Variants in CADM1 observed in about 807,000 individuals in gnomAD.
CADM1 encodes TSLC-1.
CADM1 carries 15 observed loss-of-function variants against 53.1 expected under a neutral mutation model. That is an observed-to-expected ratio of 0.28 (90% confidence interval 0.19 to 0.44). The LOEUF (loss-of-function observed/expected upper bound fraction) is 0.44, where lower values mean the gene tolerates loss of function less well. Ranked by LOEUF, CADM1 falls within the 20% of genes least tolerant of loss-of-function variation. The probability of loss-of-function intolerance (pLI) is 1.00; values close to 1 mark genes in which losing one functional copy is unlikely to be tolerated. For missense variants in CADM1, 434 were observed against 611.3 expected (o/e 0.71, Z 3.06); for synonymous variants, 281 against 243.0 (o/e 1.16, Z -1.45).
At chr11:115,272,905 A>C (rs1943340381) in intron 1 of CADM1, among the ~76,000 whole-genome samples, 1 of 152,146 alleles carries the variant, frequency 6.6e-6, no homozygotes, top group African/African-American at 2.4e-5. Flanking sequence ...ATAATAAAAA[A>C]ATTTAAAAAA....
chr11:115,384,618 T>C (rs1425508495), intron 1 of CADM1, among the ~76,000 whole-genome samples: 1 of 152,186 alleles, frequency 6.6e-6, no homozygotes, highest in Non-Finnish European at 1.5e-5. Context: ...AGTACCTCTC[T>C]AGAGGATTAG....
intron 8 of CADM1, among the ~76,000 whole-genome samples, chr11:115,199,175 C>G (rs913340397): frequency 7.2e-5 from 11 of 152,126 alleles, no homozygotes; most frequent in African/African-American, 2.7e-4. Flanking sequence ...AGAGCAGAAG[C>G]CTTTAATGAA....
intron 1 of CADM1, among the ~76,000 whole-genome samples, chr11:115,307,485 G>A (rs549523070): frequency 7.4e-6 from 1 of 135,272 alleles, no homozygotes. Flanking sequence ...ATTTTTAAAT[G>A]AATTTTCAAC....
At chr11:115,310,387 CTAAGTGT>C (rs1565357634) in intron 1 of CADM1, among the ~76,000 whole-genome samples, 1 of 152,004 alleles carries the variant, frequency 6.6e-6, no homozygotes, top group Non-Finnish European at 1.5e-5. Context: ...TTGCATCCTG[CTAAGTGT>C]TATCAAGGAA....
chr11:115,406,487 T>G (rs1947315365), intron 1 of CADM1, among the ~76,000 whole-genome samples: 1 of 148,880 alleles, frequency 6.7e-6, no homozygotes, highest in South Asian at 2.1e-4. Flanking sequence ...AAAAGGCATC[T>G]GCATTACAAA....
chr11:115,228,433 A>AT (rs1591624498), intron 5 of CADM1, among the ~76,000 whole-genome samples: 1 of 152,300 alleles, frequency 6.6e-6, no homozygotes, highest in East Asian at 1.9e-4. Flanking sequence ...GATCACCTTG[A>AT]TTTTTCAGAA....
rs1184033228 is a variant in CADM1 at position 115,504,409 on chromosome 11, T to G, written c.-15A>C. The G allele has an allele frequency of 3.2e-6, 5 of 1,543,378 alleles. No individual in the cohort carries two copies. The highest frequency in any genetic ancestry group is 4.4e-6 in the Non-Finnish European group (5 of 1,145,688). On this transcript the variant is annotated 5_prime_UTR_variant, in exon 1 of 12. Transcript: ENST00000331581. The stretch of plus-strand genomic sequence containing the variant: ...ACACTCGCCATGTCGGGCACCTGCC[T>G]CAGACTGGCGGCGTTGGCTGCCTCC...
rs1462111727 is a variant in CADM1 at position 115,318,636 on chromosome 11, G to A, written c.125-78216C>T. On this transcript the variant is annotated intron_variant, in intron 1 of 11. Coordinates refer to ENST00000331581, the MANE Select transcript of CADM1 (RefSeq NM_001301043.2). ...ATGTGATCTTGTAGATAGTGAAGAC[G>A]GGTAGAAGGCAAGGAAAGATGACGG... is the stretch of plus-strand genomic sequence containing the variant. 9.9e-5 allele frequency among the ~76,000 whole-genome samples: 15 copies of A among 152,282 alleles called. 1 individual carries two copies. The South Asian group carries it at 2.3e-3, about 23-fold the overall frequency.
chr11:115,475,447 T>C (rs539553985), intron 1 of CADM1, among the ~76,000 whole-genome samples: 2 of 152,172 alleles, frequency 1.3e-5, no homozygotes, highest in Non-Finnish European at 2.9e-5. Flanking sequence ...TGAAAACTTA[T>C]GGCTCACAAA....
chr11:115,458,568 T>TGC (rs1948729389), intron 1 of CADM1, among the ~76,000 whole-genome samples: 1 of 151,192 alleles, frequency 6.6e-6, no homozygotes, highest in South Asian at 2.1e-4. Context: ...GCAAGCATTT[T>TGC]ATCTTGCAAG....
At chr11:115,383,171 A>G (rs563269468) in intron 1 of CADM1, among the ~76,000 whole-genome samples, 2 of 152,358 alleles carry the variant, frequency 1.3e-5, no homozygotes, top group Non-Finnish European at 2.9e-5. Flanking sequence ...GTCAAAATTT[A>G]TCTGTACATA....
chr11:115,257,572 CT>C (rs1022160669), intron 1 of CADM1, among the ~76,000 whole-genome samples: 1 of 152,144 alleles, frequency 6.6e-6, no homozygotes, highest in Admixed American at 6.5e-5. Context: ...TCTATGACAT[CT>C]TTTAAATGTC....
At chr11:115,487,010 A>T (rs1416938979) in intron 1 of CADM1, among the ~76,000 whole-genome samples, 1 of 152,138 alleles carries the variant, frequency 6.6e-6, no homozygotes, top group African/African-American at 2.4e-5. Context: ...ATACGAAGAG[A>T]GGAAAGGTCA....
chr11:115,454,628 A>G (rs1948645704), intron 1 of CADM1, among the ~76,000 whole-genome samples: 1 of 152,198 alleles, frequency 6.6e-6, no homozygotes. Flanking sequence ...TTTGAAAGCT[A>G]CTGGCAAAAT....
chr11:115,266,816 C>T (rs1299940768), intron 1 of CADM1, among the ~76,000 whole-genome samples: 1 of 152,152 alleles, frequency 6.6e-6, no homozygotes. Context: ...CCCTTAACTA[C>T]CTGCATATAT....
At chr11:115,487,169 A>C (rs1949392532) in intron 1 of CADM1, among the ~76,000 whole-genome samples, 1 of 152,222 alleles carries the variant, frequency 6.6e-6, no homozygotes, top group Admixed American at 6.5e-5. Context: ...TTTTTTAAAA[A>C]AGTAAAACAC....
In CADM1 at chr11:115,345,453, T is replaced by C. The variant is rs150660850; in HGVS notation, c.125-105033A>G. Among the ~76,000 whole-genome samples the C allele has an allele frequency of 6.9e-4, 105 of 152,268 alleles. No homozygotes were observed. In the East Asian group the frequency reaches 0.014, roughly 21 times the overall value. ...TGGATGGGGTTGAAAGCTGAAGTCCTGTAAGTTTATCTACACAAGCAGCAC... is the reference window on the plus strand; with the variant it reads ...TGGATGGGGTTGAAAGCTGAAGTCCCGTAAGTTTATCTACACAAGCAGCAC... On this transcript the variant is annotated intron_variant, in intron 1 of 11. Coordinates refer to ENST00000331581, the MANE Select transcript of CADM1 (RefSeq NM_001301043.2).
chr11:115,389,716 G>A (rs1317031326), intron 1 of CADM1, among the ~76,000 whole-genome samples: 1 of 151,936 alleles, frequency 6.6e-6, no homozygotes, highest in African/African-American at 2.4e-5. Context: ...AGAAATCCAA[G>A]AAACTATCAA....
intron 1 of CADM1, among the ~76,000 whole-genome samples, chr11:115,350,533 C>T (rs1239380964): frequency 2.1e-5 from 3 of 145,422 alleles, no homozygotes; most frequent in African/African-American, 7.6e-5. Flanking sequence ...TAATAAAAAC[C>T]ACAACATATT....
Sources: allele counts gnomAD v4.1 joint callset (sites outside exome capture counted in the v4.1 genomes callset), GRCh38; gene constraint gnomAD v4.1.1; transcripts MANE v1.5; gene names NCBI Gene and HGNC (gene_info 2026-07-23, HGNC 2026-07-21).